Variants in COX7B2 observed in about 807,000 individuals in gnomAD.
The protein encoded by COX7B2 is cytochrome c oxidase subunit 7B2, mitochondrial.
For missense variants in COX7B2, 109 were observed against 95.9 expected, an observed-to-expected ratio of 1.14 and a Z score of -0.57; for synonymous variants, 37 against 32.1, an observed-to-expected ratio of 1.15 and a Z score of -0.51.
chr4:46,811,540 C>A (rs571569185), intron 2 of COX7B2, among the ~76,000 whole-genome samples: 2 of 152,150 alleles, frequency 1.3e-5, no homozygotes, highest in African/African-American at 4.8e-5. Context: ...CATTGTTTTC[C>A]TAATTACACT....
chr4:46,796,316 A>G, intron 2 of COX7B2, among the ~76,000 whole-genome samples: 1 of 148,536 alleles, frequency 6.7e-6, no homozygotes, highest in East Asian at 2.0e-4. Context: ...TTGCCCATTT[A>G]TGCAGCCAAA....
At chr4:46,862,251 C>A (rs1432987272) in intron 1 of COX7B2, among the ~76,000 whole-genome samples, 1 of 152,192 alleles carries the variant, frequency 6.6e-6, no homozygotes, top group Non-Finnish European at 1.5e-5. Context: ...TATAGCTTTC[C>A]TTGGCTTACC....
intron 2 of COX7B2, among the ~76,000 whole-genome samples, chr4:46,768,127 A>G (rs561839147): frequency 6.6e-6 from 1 of 152,362 alleles, no homozygotes; most frequent in South Asian, 2.1e-4. Context: ...AGCTCACTGG[A>G]GAGTCAGTGT....
At chr4:46,811,752 C>A (rs981836588) in intron 2 of COX7B2, among the ~76,000 whole-genome samples, 2 of 152,162 alleles carry the variant, frequency 1.3e-5, no homozygotes, top group Non-Finnish European at 2.9e-5. Context: ...TCAGACAGTG[C>A]AGTCACTTCT....
At chr4:46,842,956 A>G (rs1247431863) in intron 2 of COX7B2, among the ~76,000 whole-genome samples, 1 of 152,052 alleles carries the variant, frequency 6.6e-6, no homozygotes, top group Non-Finnish European at 1.5e-5. Context: ...TTCCAGTTCT[A>G]GATCCCTGAG....
chr4:46,887,186 T>A (rs990314796), intron 1 of COX7B2, among the ~76,000 whole-genome samples: 1 of 152,350 alleles, frequency 6.6e-6, no homozygotes, highest in East Asian at 1.9e-4. Context: ...AAGGAATACA[T>A]TTTCATGTAC....
At chr4:46,900,233 A>T (rs1238451167) in intron 1 of COX7B2, among the ~76,000 whole-genome samples, 1 of 152,176 alleles carries the variant, frequency 6.6e-6, no homozygotes, top group Non-Finnish European at 1.5e-5. Context: ...GGGCTTGGAG[A>T]CATCTCTAGG....
chr4:46,882,727 G>T (rs1718825117), intron 1 of COX7B2, among the ~76,000 whole-genome samples: 1 of 152,068 alleles, frequency 6.6e-6, no homozygotes, highest in Non-Finnish European at 1.5e-5. Context: ...CATACTACTG[G>T]TTGACCCAAA....
chr4:46,832,999 G>A (rs774421252), intron 2 of COX7B2, among the ~76,000 whole-genome samples: 3 of 151,852 alleles, frequency 2.0e-5, no homozygotes, highest in South Asian at 2.1e-4. Context: ...TCCGCCTCCC[G>A]GGTTCAAGTG....
intron 2 of COX7B2, among the ~76,000 whole-genome samples, chr4:46,811,885 A>G (rs1337177714): frequency 6.6e-6 from 1 of 152,178 alleles, no homozygotes; most frequent in East Asian, 1.9e-4. Context: ...CACTGTGATC[A>G]ATGTTAGTGA....
intron 2 of COX7B2, among the ~76,000 whole-genome samples, chr4:46,771,987 T>G (rs562219739): frequency 6.6e-6 from 1 of 152,290 alleles, no homozygotes; most frequent in East Asian, 1.9e-4. Context: ...ATGCACAACC[T>G]GTATCTCTTT....
intron 2 of COX7B2, among the ~76,000 whole-genome samples, chr4:46,796,048 T>TTTACA: frequency 9.6e-6 from 1 of 103,918 alleles, no homozygotes; most frequent in East Asian, 2.3e-4. Context: ...GTACATTGAT[T>TTTACA]TTGTATCCTG....
At chr4:46,788,147 A>T (rs1481142378) in intron 2 of COX7B2, among the ~76,000 whole-genome samples, 1 of 152,228 alleles carries the variant, frequency 6.6e-6, no homozygotes, top group Non-Finnish European at 1.5e-5. Context: ...AGTAGAGTAA[A>T]ACAAAGTATG....
chr4:46,744,564 G>A (rs1315326454), intron 2 of COX7B2, among the ~76,000 whole-genome samples: 1 of 151,524 alleles, frequency 6.6e-6, no homozygotes, highest in Non-Finnish European at 1.5e-5. Flanking sequence ...ATGATTCTAC[G>A]TGGCCATTAA....
At chr4:46,905,814 CTT>C (rs761904309) in intron 1 of COX7B2, among the ~76,000 whole-genome samples, 3 of 71,690 alleles carry the variant, frequency 4.2e-5, no homozygotes, top group East Asian at 4.8e-4. Context: ...GCATATATTT[CTT>C]TTTTTTTTTT....
chr4:46,793,223 G>A (rs887933024), intron 2 of COX7B2, among the ~76,000 whole-genome samples: 4 of 152,018 alleles, frequency 2.6e-5, no homozygotes, highest in South Asian at 2.1e-4. Context: ...CTGGGTGGAA[G>A]GGAGTTCACC....
At chr4:46,870,409 TTTTGAA>T (rs1717915445) in intron 1 of COX7B2, among the ~76,000 whole-genome samples, 1 of 152,054 alleles carries the variant, frequency 6.6e-6, no homozygotes, top group Non-Finnish European at 1.5e-5. Context: ...GAAACATTCC[TTTTGAA>T]AGCCAGCACA....
chr4:46,900,499 G>A (rs1171563872), intron 1 of COX7B2, among the ~76,000 whole-genome samples: 1 of 152,156 alleles, frequency 6.6e-6, no homozygotes, highest in East Asian at 1.9e-4. Flanking sequence ...GGTGGCAGGG[G>A]AGGAGGGGGG....
chr4:46,836,592 T>TTA lies in COX7B2; in HGVS notation c.-50+8367_-50+8368insTA, dbSNP rs1553891331. ...CTGAGGCTGTTCTACAGTTAAATTTTAAAAAAAAAAAGAAGGAGCACAAGC... is the reference window on the plus strand; with the variant it reads ...CTGAGGCTGTTCTACAGTTAAATTTTTAAAAAAAAAAAAGAAGGAGCACAAGC... On this transcript the variant is annotated intron_variant, in intron 2 of 2. Coordinates refer to ENST00000355591, the MANE Select transcript of COX7B2 (RefSeq NM_130902.3). Among the ~76,000 whole-genome samples, 4 of 143,198 alleles carry TTA rather than the reference T, an allele frequency of 2.8e-5. No homozygotes were observed. The East Asian group carries it at 8.0e-4, about 29-fold the overall frequency. 93.9% of individuals were successfully genotyped at this position (143,198 alleles called of 152,430 possible).
Sources: gnomAD v4.1 joint callset for allele counts (sites outside exome capture counted in the v4.1 genomes callset) on GRCh38, gnomAD v4.1.1 for gene constraint, MANE v1.5 for transcripts, NCBI Gene and HGNC (gene_info 2026-07-23, HGNC 2026-07-21) for gene names.